MED12L: variants seen among roughly 807,000 people sequenced by gnomAD.
The protein encoded by MED12L is mediator complex subunit 12L, also known as mediator of RNA polymerase II transcription subunit 12-like protein.
A neutral mutation model predicts 281.3 loss-of-function variants in MED12L; 60 were observed. The observed-to-expected ratio is 0.21, with a 90% CI of 0.17 to 0.26. The LOEUF (loss-of-function observed/expected upper bound fraction) is 0.26, where lower values mean the gene tolerates loss of function less well. MED12L is among the 10% of genes least tolerant of loss of function. The pLI is 1.00. For synonymous variants in MED12L, 974 were observed against 987.2 expected (o/e 0.99, Z 0.25); for missense variants, 2,146 against 2,680.9 (o/e 0.80, Z 4.41).
At chr3:151,162,449 C>T (rs1313886771) in intron 8 of MED12L, among the ~76,000 whole-genome samples, 1 of 151,764 alleles carries the variant, frequency 6.6e-6, no homozygotes, top group Non-Finnish European at 1.5e-5. Context: ...GGGTTTTGCT[C>T]TGTTGCCCAT....
At chr3:151,194,287 A>G (rs974932377) in intron 16 of MED12L, among the ~76,000 whole-genome samples, 2 of 152,154 alleles carry the variant, frequency 1.3e-5, no homozygotes, top group African/African-American at 4.8e-5. Flanking sequence ...CTAATTTGAA[A>G]GTAAATTTGC....
rs55920434 is a variant in MED12L, at chr3:151,270,196, CGTGTGTGTGTGT to C, written c.2250+76565_2250+76576del. ...TCTCCAGTTCCTGGGAGCAAGCTGT[CGTGTGTGTGTGT>C]GTGTGTGTGTGTGTGTGTGTGTGTG... On this transcript the variant is annotated intron_variant, in intron 16 of 44. Coordinates refer to ENST00000687756, the MANE Select transcript of MED12L (RefSeq NM_001393769.1). The C allele has an allele frequency of 1.3e-3, 175 of 129,702 alleles. 2 individuals carry two copies. The highest frequency in any genetic ancestry group is 3.8e-3 in the Middle Eastern group (1 of 266). The allele number at this position is 129,702 out of a possible 1,614,324, so 8.0% of individuals were successfully genotyped here. A position where few individuals can be genotyped will look rare whatever the true frequency, so the allele number is the denominator to read the frequency against.
intron 16 of MED12L, chr3:151,326,613 A>T (rs1749628889): frequency 6.6e-6 from 1 of 152,200 alleles, no homozygotes; most frequent in East Asian, 1.9e-4. Flanking sequence ...AAAACAGAGT[A>T]TGGCATTTTC....
chr3:151,273,141 T>C (rs1030775428), intron 16 of MED12L, among the ~76,000 whole-genome samples: 1 of 152,116 alleles, frequency 6.6e-6, no homozygotes, highest in African/African-American at 2.4e-5. Context: ...TTGGCTTCCA[T>C]TGTTCTTATA....
chr3:151,201,447 A>G (rs1301037164), intron 16 of MED12L, among the ~76,000 whole-genome samples: 1 of 152,156 alleles, frequency 6.6e-6, no homozygotes, highest in Non-Finnish European at 1.5e-5. Context: ...TTTTGGAGTC[A>G]TAGGATTTTA....
rs79605699 is a variant in MED12L at position 151,226,360 on chromosome 3, A to G, written c.2250+32694A>G. On this transcript the variant is annotated intron_variant, in intron 16 of 44. Transcript: ENST00000687756. ...TGGATGGCCTAAGCTCTTGGGTAAC[A>G]TGATGGAATCTTGCCAATGAGTAAA... Among the ~76,000 whole-genome samples the G allele has an allele frequency of 2.2e-4, 34 of 152,340 alleles. No individual in the cohort carries two copies. The East Asian group carries it at 6.6e-3, about 29-fold the overall frequency.
At chr3:151,385,285 T>G in intron 36 of MED12L, 94 bp downstream of exon 36, 1 of 700,346 alleles carries the variant, frequency 1.4e-6, no homozygotes, top group Non-Finnish European at 2.2e-6. Flanking sequence ...AATATATTAA[T>G]TTTGCTGTTG....
chr3:151,264,839 CTCT>C (rs1221156258), intron 16 of MED12L, among the ~76,000 whole-genome samples: 1 of 152,174 alleles, frequency 6.6e-6, no homozygotes, highest in Non-Finnish European at 1.5e-5. Flanking sequence ...GCCTGCATGG[CTCT>C]ACATGACCAG....
intron 6 of MED12L, among the ~76,000 whole-genome samples, chr3:151,158,440 T>A (rs1719562567): frequency 6.6e-6 from 1 of 151,396 alleles, no homozygotes; most frequent in South Asian, 2.1e-4. Flanking sequence ...TGTGAAAGCT[T>A]CTGAAATTTT....
At chr3:151,203,723 A>G (rs775799254) in intron 16 of MED12L, among the ~76,000 whole-genome samples, 6 of 152,126 alleles carry the variant, frequency 3.9e-5, no homozygotes, top group Non-Finnish European at 7.4e-5. Context: ...AATAGAAATA[A>G]AAAAGGAACA....
rs572303339 is a variant in MED12L at position 151,336,900 on chromosome 3, A to G, written c.2251-13159A>G. The G allele has an allele frequency of 5.9e-4, 95 of 160,706 alleles. 1 individual carries two copies. In the Middle Eastern group the frequency reaches 9.1e-3, roughly 15 times the overall value. 10.0% of individuals were successfully genotyped at this position (160,706 alleles called of 1,614,324 possible). A position where few individuals can be genotyped will look rare whatever the true frequency, so the allele number is the denominator to read the frequency against. On this transcript the variant is annotated intron_variant, in intron 16 of 44. Transcript: ENST00000687756. ...TTATACACACCAATACAAACAAGTAATTACAAACAGATCAATCACTTTCCT... is the reference window on the plus strand; with the variant it reads ...TTATACACACCAATACAAACAAGTAGTTACAAACAGATCAATCACTTTCCT...
chr3:151,196,245 A>C (rs1724640637), intron 16 of MED12L, among the ~76,000 whole-genome samples: 1 of 152,238 alleles, frequency 6.6e-6, no homozygotes, highest in Admixed American at 6.5e-5. Context: ...ATTGTAGGAT[A>C]CATTTTTTAA....
In MED12L at chr3:151,377,082, A is replaced by G. The variant is rs1252440308; in HGVS notation, c.4220A>G (p.Asn1407Ser). ...EVFQQSADLN[N>S]SSNSGMSLFN... Reference sequence around the variant, plus strand: ...TTCCAGCAGTCTGCAGACCTAAATAATTCTTCTAATTCTGGCATGAGCCTC... The same window carrying G: ...TTCCAGCAGTCTGCAGACCTAAATAGTTCTTCTAATTCTGGCATGAGCCTC... The change falls in exon 30 of 45, where the codon AAT becomes AGT. Residue 1407 changes from asparagine to serine, a missense_variant. Asn to Ser is a conservative substitution (Grantham distance 46). Around this residue, in one of 9 missense-constraint regions of MED12L, gnomAD observed 235 missense variants for 260.3 expected, o/e 0.90. Coordinates refer to ENST00000687756, the MANE Select transcript of MED12L (RefSeq NM_001393769.1). 10 of 1,614,086 alleles carry G rather than the reference A, an allele frequency of 6.2e-6. No individual in the cohort carries two copies. Among genetic ancestry groups the G allele is most frequent in the Non-Finnish European group, 8.5e-6 (10 of 1,179,950 alleles).
chr3:151,348,100 G>T (rs201233587), intron 16 of MED12L, among the ~76,000 whole-genome samples: 1 of 152,208 alleles, frequency 6.6e-6, no homozygotes, highest in African/African-American at 2.4e-5. Flanking sequence ...ATTCATCCTT[G>T]TATTTTTTCA....
chr3:151,386,541 C>T (rs1713381511), intron 36 of MED12L, among the ~76,000 whole-genome samples: 1 of 151,304 alleles, frequency 6.6e-6, no homozygotes, highest in South Asian at 2.1e-4. Context: ...AGACATGCAC[C>T]ACCAGGCCCA....
intron 41 of MED12L, among the ~76,000 whole-genome samples, chr3:151,412,015 G>C (rs1189302666): frequency 6.6e-6 from 1 of 152,124 alleles, no homozygotes; most frequent in Non-Finnish European, 1.5e-5. Context: ...ACTTTTTTCT[G>C]TTCTTGTTTA....
chr3:151,169,118 T>C (rs539601073), intron 11 of MED12L, among the ~76,000 whole-genome samples: 1 of 137,052 alleles, frequency 7.3e-6, no homozygotes, highest in South Asian at 2.1e-4. Context: ...TTTTTTTTTT[T>C]TTTGTTTTTT....
In MED12L at chr3:151,232,238, A is replaced by G. The variant is rs79419977; in HGVS notation, c.2250+38572A>G. Among the ~76,000 whole-genome samples the G allele has an allele frequency of 3.0e-3, 462 of 152,280 alleles. 2 individuals are homozygous for G. Among genetic ancestry groups the G allele is most frequent in the African/African-American group, 0.011 (449 of 41,536 alleles). Reference sequence around the variant, plus strand: ...TGCCAAAGTAGTCTTTACTTAAAACATTGTTTGTAGCTCTTTGAGCAATCA... The same window carrying G: ...TGCCAAAGTAGTCTTTACTTAAAACGTTGTTTGTAGCTCTTTGAGCAATCA... On this transcript the variant is annotated intron_variant, in intron 16 of 44. Coordinates refer to ENST00000687756, the MANE Select transcript of MED12L (RefSeq NM_001393769.1).
At chr3:151,326,871 A>G (rs1749663743) in intron 16 of MED12L, 1 of 152,194 alleles carries the variant, frequency 6.6e-6, no homozygotes. Flanking sequence ...ACTTTTTTGA[A>G]TCACAGAAGG....
Sources: allele counts gnomAD v4.1 joint callset (sites outside exome capture counted in the v4.1 genomes callset), GRCh38; gene constraint gnomAD v4.1.1; regional missense constraint gnomAD v4.1.1; transcripts MANE v1.5; gene names NCBI Gene and HGNC (gene_info 2026-07-23, HGNC 2026-07-21).